IQCK: variants seen among roughly 807,000 people sequenced by gnomAD.
The protein encoded by IQCK is IQ motif containing K.
IQCK carries 29 observed loss-of-function variants against 28.1 expected under a neutral mutation model. The ratio of observed to expected loss-of-function variants is 1.03; its 90% CI spans 0.77 to 1.41. The LOEUF (loss-of-function observed/expected upper bound fraction) is 1.41, where lower values mean the gene tolerates loss of function less well. IQCK is among the 40% of genes most tolerant of loss of function. IQCK has a pLI of 0.00. For missense variants in IQCK, 359 were observed against 314.7 expected, an observed-to-expected ratio of 1.14 and a Z score of -1.07; for synonymous variants, 113 against 115.1, an observed-to-expected ratio of 0.98 and a Z score of 0.12.
intron 7 of IQCK, among the ~76,000 whole-genome samples, chr16:19,821,010 A>G (rs1370133087): frequency 2.6e-5 from 4 of 152,132 alleles, no homozygotes; most frequent in Non-Finnish European, 4.4e-5. Flanking sequence ...TTAAACCACA[A>G]TGAGATGCCA....
chr16:19,818,226 C>CT (rs1329131354), intron 7 of IQCK, among the ~76,000 whole-genome samples: 1 of 152,026 alleles, frequency 6.6e-6, no homozygotes, highest in African/African-American at 2.4e-5. Context: ...GAGCATGAGA[C>CT]TTTAAGAAAT....
At chr16:19,817,170 G>A (rs575443760) in intron 7 of IQCK, among the ~76,000 whole-genome samples, 3 of 152,244 alleles carry the variant, frequency 2.0e-5, no homozygotes, top group African/African-American at 7.2e-5. Context: ...TCTTGAAGGA[G>A]CAAATAGAGA....
At chr16:19,820,254 C>T (rs1016374670) in intron 7 of IQCK, among the ~76,000 whole-genome samples, 2 of 152,178 alleles carry the variant, frequency 1.3e-5, no homozygotes, top group Non-Finnish European at 2.9e-5. Context: ...TGGCTCAAGT[C>T]TGTAGTAATC....
intron 7 of IQCK, among the ~76,000 whole-genome samples, chr16:19,820,433 A>C (rs2056055819): frequency 1.3e-5 from 2 of 152,126 alleles, no homozygotes; most frequent in Non-Finnish European, 1.5e-5. Flanking sequence ...GTGGATCATG[A>C]GGTCAGCAGA....
intron 1 of IQCK, among the ~76,000 whole-genome samples, chr16:19,728,460 C>T (rs934307783): frequency 2.0e-5 from 3 of 152,078 alleles, no homozygotes; most frequent in African/African-American, 7.2e-5. Context: ...ATGTTAACCA[C>T]TCTGGTCTCA....
intron 7 of IQCK, among the ~76,000 whole-genome samples, chr16:19,808,807 A>G (rs1386229910): frequency 6.6e-6 from 1 of 152,196 alleles, no homozygotes; most frequent in Non-Finnish European, 1.5e-5. Flanking sequence ...CCTGCATGTG[A>G]GCCACCTAGT....
In IQCK at chr16:19,763,832, T is replaced by G. The variant is rs747165491; in HGVS notation, c.475-16T>G. ...TTAAGGGTCAGTTGTAATTTAATTA[T>G]CTCTTCTCTCTTCAGAGGAAAAGAA... On this transcript the variant is annotated splice_polypyrimidine_tract_variant and intron_variant, in intron 4 of 7. Transcript: ENST00000564186. 6.9e-6 allele frequency: 11 copies of G among 1,597,484 alleles called. No individual in the cohort carries two copies. Among genetic ancestry groups the G allele is most frequent in the Non-Finnish European group, 9.4e-6 (11 of 1,165,090 alleles).
At chr16:19,760,444 G>C (rs964716850) in intron 4 of IQCK, among the ~76,000 whole-genome samples, 3 of 152,114 alleles carry the variant, frequency 2.0e-5, no homozygotes, top group Non-Finnish European at 4.4e-5. Flanking sequence ...TGTTAATAGA[G>C]CCCCAAATTT....
exon 10 of IQCK, chr16:19,856,632 G>A: frequency 9.1e-7 from 1 of 1,101,842 alleles, no homozygotes; most frequent in East Asian, 2.4e-5. Flanking sequence ...TCTCTCTTGT[G>A]ATTTCTTTAA....
At position 19,818,478 on chromosome 16, in the gene IQCK, C is replaced by T. The variant is rs543882417; in HGVS notation, c.691-8548C>T. On this transcript the variant is annotated intron_variant, in intron 7 of 7. Coordinates refer to ENST00000564186, the Ensembl canonical transcript of IQCK. ...CACGATCTTGGCTCACTGCAACCTC[C>T]GCCTCCCAGGTTCAAGTGATCCTCC... is the stretch of plus-strand genomic sequence containing the variant. Among the ~76,000 whole-genome samples, 214 of 152,246 alleles carry T rather than the reference C, an allele frequency of 1.4e-3. 1 individual carries two copies. Among genetic ancestry groups the T allele is most frequent in the South Asian group, 4.1e-4 (2 of 4,822 alleles).
chr16:19,756,803 A>C (rs552910023), intron 4 of IQCK, among the ~76,000 whole-genome samples: 268 of 151,130 alleles, frequency 1.8e-3, no homozygotes, highest in African/African-American at 6.2e-3. Context: ...AGGCTGAGGC[A>C]GGAGAATGGC....
intron 9 of IQCK, among the ~76,000 whole-genome samples, chr16:19,851,247 G>A (rs1462724897): frequency 6.6e-6 from 1 of 152,058 alleles, no homozygotes; most frequent in Admixed American, 6.5e-5. Flanking sequence ...TCCCAAACTT[G>A]CCAGATCAAA....
intron 9 of IQCK, among the ~76,000 whole-genome samples, chr16:19,832,958 T>G (rs1263367004): frequency 6.6e-6 from 1 of 152,144 alleles, no homozygotes. Flanking sequence ...AGATCCCTCC[T>G]TCCACACATG....
intron 1 of IQCK, among the ~76,000 whole-genome samples, chr16:19,720,075 A>G (rs1977442441): frequency 6.6e-6 from 1 of 152,184 alleles, no homozygotes. Context: ...AAAAGAATGA[A>G]TGTACCAGTA....
At chr16:19,723,232 T>G (rs1309697984) in intron 1 of IQCK, among the ~76,000 whole-genome samples, 2 of 152,180 alleles carry the variant, frequency 1.3e-5, no homozygotes, top group East Asian at 3.9e-4. Context: ...TCCCACTGGC[T>G]GTCGTAGGAA....
intron 4 of IQCK, among the ~76,000 whole-genome samples, chr16:19,740,696 C>T (rs948897024): frequency 6.6e-6 from 1 of 152,034 alleles, no homozygotes; most frequent in African/African-American, 2.4e-5. Flanking sequence ...TCTGGCCGGG[C>T]ACGGTGGGTC....
intron 6 of IQCK, among the ~76,000 whole-genome samples, chr16:19,778,703 G>T (rs2055432168): frequency 6.6e-6 from 1 of 152,038 alleles, no homozygotes; most frequent in Admixed American, 6.6e-5. Flanking sequence ...ATTGTAGGAT[G>T]CCCAGTTGGT....
intron 6 of IQCK, among the ~76,000 whole-genome samples, chr16:19,777,986 G>A (rs1250904644): frequency 6.6e-6 from 1 of 152,182 alleles, no homozygotes; most frequent in African/African-American, 2.4e-5. Flanking sequence ...CCGGGAGGCA[G>A]AGGTTGCAGT....
chr16:19,733,579 G>A lies in IQCK; in HGVS notation c.247-119G>A, dbSNP rs141991282. On this transcript the variant is annotated intron_variant, in intron 2 of 7. Transcript: ENST00000564186. Reference sequence around the variant, plus strand: ...AGGGAGACAAAGATCTGTGCTCAGCGTACCCCCTTGAACCTTAAAGTCTGA... The same window carrying A: ...AGGGAGACAAAGATCTGTGCTCAGCATACCCCCTTGAACCTTAAAGTCTGA... 1.1e-3 allele frequency: 1,187 copies of A among 1,120,028 alleles called. 10 individuals are homozygous for A. In the African/African-American group the frequency reaches 0.016, roughly 15 times the overall value. 69.4% of individuals were successfully genotyped at this position (1,120,028 alleles called of 1,614,324 possible).
Sources: gnomAD v4.1 joint callset for allele counts (sites outside exome capture counted in the v4.1 genomes callset) on GRCh38, gnomAD v4.1.1 for gene constraint, MANE v1.5 for transcripts, NCBI Gene and HGNC (gene_info 2026-07-23, HGNC 2026-07-21) for gene names.